The following CACNB4 variants were observed in gnomAD, a reference collection of about 807,000 sequenced individuals.
The protein encoded by CACNB4 is voltage-dependent L-type calcium channel subunit beta-4.
In CACNB4, 32 loss-of-function variants were observed where a neutral mutation model predicts 71.2. That is an observed-to-expected ratio of 0.45 (90% CI 0.34 to 0.60). The LOEUF (loss-of-function observed/expected upper bound fraction) is 0.60, where lower values mean the gene tolerates loss of function less well. CACNB4 is among the 20% of genes least tolerant of loss of function. The pLI is 0.01. For synonymous variants in CACNB4, 231 were observed against 236.9 expected (o/e 0.97, Z 0.23); for missense variants, 464 against 647.9 (o/e 0.72, Z 3.08).
At chr2:151,995,709 AAAAAT>A (rs1015153491) in intron 2 of CACNB4, among the ~76,000 whole-genome samples, 3 of 152,254 alleles carry the variant, frequency 2.0e-5, no homozygotes, top group East Asian at 3.8e-4. Flanking sequence ...ACTCCGTCTC[AAAAAT>A]AAAATAAAAT....
At chr2:151,918,730 TCTC>T (rs1194073902) in intron 2 of CACNB4, among the ~76,000 whole-genome samples, 3 of 152,144 alleles carry the variant, frequency 2.0e-5, no homozygotes, top group African/African-American at 7.2e-5. Flanking sequence ...GCTTATGAAT[TCTC>T]CTCCAAATCA....
chr2:151,960,403 C>G (rs2099869361), intron 2 of CACNB4, among the ~76,000 whole-genome samples: 1 of 152,140 alleles, frequency 6.6e-6, no homozygotes, highest in South Asian at 2.1e-4. Flanking sequence ...TGGCTTTGAC[C>G]CTGCAGACAC....
chr2:151,832,881 G>A lies in CACNB4; in HGVS notation c.*6238C>T, dbSNP rs1318001890. The A allele has an allele frequency of 6.6e-6, 1 of 151,966 alleles. No individual in the cohort carries two copies. Among genetic ancestry groups the A allele is most frequent in the Non-Finnish European group, 1.5e-5 (1 of 67,964 alleles). The allele number at this position is 151,966 out of a possible 1,614,324, so 9.4% of individuals were successfully genotyped here. On this transcript the variant is annotated 3_prime_UTR_variant, in exon 14 of 14. Coordinates refer to ENST00000539935, the MANE Select transcript of CACNB4 (RefSeq NM_000726.5). Reference sequence around the variant, plus strand: ...ATAGAAATGAGGATACTCTATGCATGCACTCTGCATTTTCTTTGTTAATGT... The same window carrying A: ...ATAGAAATGAGGATACTCTATGCATACACTCTGCATTTTCTTTGTTAATGT...
intron 2 of CACNB4, among the ~76,000 whole-genome samples, chr2:152,079,484 G>C (rs949867893): frequency 6.6e-6 from 1 of 152,050 alleles, no homozygotes; most frequent in African/African-American, 2.4e-5. Flanking sequence ...GAAAAGAGCT[G>C]CTCTAAAATC....
chr2:151,928,530 C>T (rs2151594731), intron 2 of CACNB4, among the ~76,000 whole-genome samples: 1 of 152,296 alleles, frequency 6.6e-6, no homozygotes, highest in East Asian at 1.9e-4. Flanking sequence ...ATTTCTACCT[C>T]CTTGAGAAAC....
At chr2:151,860,205 TG>T (rs2099841288) in intron 10 of CACNB4, 1 of 173,412 alleles carries the variant, frequency 5.8e-6, no homozygotes, top group African/African-American at 2.4e-5. Context: ...TTCTCCATCA[TG>T]GGGAATTTTA....
intron 2 of CACNB4, among the ~76,000 whole-genome samples, chr2:152,024,842 G>A (rs549616177): frequency 6.6e-6 from 1 of 152,232 alleles, no homozygotes; most frequent in African/African-American, 2.4e-5. Context: ...GATCACCTGA[G>A]GTCAGGAGTT....
intron 9 of CACNB4, among the ~76,000 whole-genome samples, chr2:151,865,579 A>C (rs535600527): frequency 6.6e-6 from 1 of 152,312 alleles, no homozygotes; most frequent in African/African-American, 2.4e-5. Flanking sequence ...TGAATGGTAG[A>C]TTCAGCCAGC....
At chr2:151,899,039 C>T (rs572293556) in intron 2 of CACNB4, among the ~76,000 whole-genome samples, 2 of 152,368 alleles carry the variant, frequency 1.3e-5, no homozygotes, top group East Asian at 3.9e-4. Context: ...TCCTTCAGTG[C>T]TGCACAGCAA....
chr2:151,980,946 C>T (rs193238936), intron 2 of CACNB4, among the ~76,000 whole-genome samples: 8 of 152,290 alleles, frequency 5.3e-5, no homozygotes, highest in Admixed American at 4.6e-4. Context: ...CATGATCTTT[C>T]ACACTTCACC....
intron 2 of CACNB4, among the ~76,000 whole-genome samples, chr2:151,995,451 C>T (rs61115353): frequency 0.059 from 8,994 of 152,248 alleles, 953 homozygotes; most frequent in East Asian, 0.46. Context: ...TAAGTTCATA[C>T]ACAAAATGAT....
At chr2:151,966,516 C>T (rs1345216596) in intron 2 of CACNB4, among the ~76,000 whole-genome samples, 2 of 152,018 alleles carry the variant, frequency 1.3e-5, no homozygotes, top group Non-Finnish European at 2.9e-5. Flanking sequence ...CCTGACCTCA[C>T]GATCCACCCA....
chr2:151,996,204 G>A (rs562730751), intron 2 of CACNB4, among the ~76,000 whole-genome samples: 131 of 152,316 alleles, frequency 8.6e-4, no homozygotes, highest in African/African-American at 2.9e-3. Context: ...TTGGAAACAA[G>A]TTGAATACAA....
intron 2 of CACNB4, among the ~76,000 whole-genome samples, chr2:152,064,489 T>A (rs1159984505): frequency 6.6e-6 from 1 of 152,210 alleles, no homozygotes; most frequent in African/African-American, 2.4e-5. Context: ...CAAGCGATTC[T>A]CCTGCCTCAG....
chr2:152,011,369 C>G (rs1346598580), intron 2 of CACNB4, among the ~76,000 whole-genome samples: 2 of 152,194 alleles, frequency 1.3e-5, no homozygotes, highest in Non-Finnish European at 2.9e-5. Context: ...GTTTTCCACT[C>G]TGGGCTCGAA....
chr2:151,924,532 C>A (rs1046872605), intron 2 of CACNB4, among the ~76,000 whole-genome samples: 8 of 150,636 alleles, frequency 5.3e-5, no homozygotes, highest in African/African-American at 1.9e-4. Context: ...CAGGTGTGTG[C>A]CATCATGGCT....
intron 2 of CACNB4, among the ~76,000 whole-genome samples, chr2:152,023,005 T>A (rs112025681): frequency 6.6e-6 from 1 of 152,040 alleles, no homozygotes; most frequent in Admixed American, 6.6e-5. Context: ...AGAGGTGTCA[T>A]TGACTCACAG....
intron 2 of CACNB4, among the ~76,000 whole-genome samples, chr2:152,069,432 G>A (rs1041241658): frequency 1.5e-4 from 23 of 151,360 alleles, no homozygotes; most frequent in Admixed American, 1.4e-3. Flanking sequence ...AGTGATAAGA[G>A]CATCATCACC....
intron 2 of CACNB4, among the ~76,000 whole-genome samples, chr2:152,081,743 G>T (rs1227834956): frequency 6.6e-6 from 1 of 152,050 alleles, no homozygotes; most frequent in African/African-American, 2.4e-5. Flanking sequence ...TTCGACATAT[G>T]ATTTAAAAAA....
Sources: allele counts gnomAD v4.1 joint callset (sites outside exome capture counted in the v4.1 genomes callset), GRCh38; gene constraint gnomAD v4.1.1; transcripts MANE v1.5; gene names NCBI Gene and HGNC (gene_info 2026-07-23, HGNC 2026-07-21).